PLCB4: variants seen among roughly 807,000 people sequenced by gnomAD.
The protein encoded by PLCB4 is phospholipase C beta 4, also known as 1-phosphatidylinositol 4,5-bisphosphate phosphodiesterase beta-4.
PLCB4 carries 77 observed loss-of-function variants against 178.8 expected under a neutral mutation model. That is an observed-to-expected ratio of 0.43 (90% CI 0.36 to 0.52). The LOEUF is 0.52. Ranked by LOEUF, PLCB4 falls within the 20% of genes least tolerant of loss-of-function variation. The pLI, the probability that PLCB4 is intolerant of heterozygous loss-of-function variation, is 0.00. For missense variants in PLCB4, 1,024 were observed against 1,453.4 expected (o/e 0.70, Z 4.80); for synonymous variants, 496 against 490.8 (o/e 1.01, Z -0.14).
chr20:9,244,006 G>C (rs184592327), intron 3 of PLCB4, among the ~76,000 whole-genome samples: 1 of 152,122 alleles, frequency 6.6e-6, no homozygotes, highest in South Asian at 2.1e-4. Flanking sequence ...AGGTTGTTAT[G>C]GCCAGAAGCC....
chr20:9,418,114 T>C (rs1247902634), intron 25 of PLCB4, among the ~76,000 whole-genome samples: 1 of 152,160 alleles, frequency 6.6e-6, no homozygotes, highest in East Asian at 1.9e-4. Context: ...TTTTCCTTTT[T>C]GTGACTAGTC....
chr20:9,139,559 T>A (rs1387137102), intron 2 of PLCB4, among the ~76,000 whole-genome samples: 1 of 152,012 alleles, frequency 6.6e-6, no homozygotes, highest in Non-Finnish European at 1.5e-5. Context: ...TGTGCAAAAG[T>A]GGAAGTTGCC....
chr20:9,333,328 C>T (rs1327613900), intron 4 of PLCB4, among the ~76,000 whole-genome samples: 2 of 151,990 alleles, frequency 1.3e-5, no homozygotes, highest in Non-Finnish European at 2.9e-5. Context: ...GAGAGCCTCT[C>T]TGAGGAGGGG....
intron 3 of PLCB4, among the ~76,000 whole-genome samples, chr20:9,304,413 G>T (rs939836867): frequency 2.6e-5 from 4 of 151,966 alleles, no homozygotes; most frequent in Non-Finnish European, 5.9e-5. Context: ...ATTGTCACAT[G>T]TGTGTGGGTA....
intron 2 of PLCB4, among the ~76,000 whole-genome samples, chr20:9,207,040 C>T (rs1157164963): frequency 1.3e-5 from 2 of 152,038 alleles, no homozygotes; most frequent in Admixed American, 6.6e-5. Context: ...CACTTGAACC[C>T]GGGAGGCGGA....
At chr20:9,083,273 A>G (rs2090243460) in intron 1 of PLCB4, among the ~76,000 whole-genome samples, 1 of 152,268 alleles carries the variant, frequency 6.6e-6, no homozygotes, top group African/African-American at 2.4e-5. Flanking sequence ...TGCAGGGAAC[A>G]TAAGTGCTTA....
intron 2 of PLCB4, among the ~76,000 whole-genome samples, chr20:9,162,577 T>C (rs181307345): frequency 5.8e-4 from 88 of 152,336 alleles, no homozygotes; most frequent in Middle Eastern, 6.8e-3. Context: ...GTATTTGCTC[T>C]GGAAACACAG....
intron 2 of PLCB4, among the ~76,000 whole-genome samples, chr20:9,194,497 T>TA (rs1030254543): frequency 1.1e-4 from 16 of 151,736 alleles, no homozygotes; most frequent in Middle Eastern, 3.4e-3. Context: ...CCATCCTGGC[T>TA]AAAAAACGGT....
At chr20:9,290,386 C>A (rs1053762082) in intron 3 of PLCB4, among the ~76,000 whole-genome samples, 2 of 152,118 alleles carry the variant, frequency 1.3e-5, no homozygotes, top group African/African-American at 2.4e-5. Context: ...AAATGAAACA[C>A]CATGTGAACT....
At chr20:9,445,580 C>T (rs2042366309) in intron 32 of PLCB4, among the ~76,000 whole-genome samples, 1 of 152,236 alleles carries the variant, frequency 6.6e-6, no homozygotes, top group African/African-American at 2.4e-5. Flanking sequence ...TAGGCCTAAT[C>T]TTATCCTAGT....
At chr20:9,142,811 C>T (rs1048973154) in intron 2 of PLCB4, among the ~76,000 whole-genome samples, 11 of 152,118 alleles carry the variant, frequency 7.2e-5, no homozygotes, top group African/African-American at 1.2e-4. Context: ...TATCAGATCA[C>T]GTTGCCCTGC....
rs2039344041 is a variant in PLCB4, at chr20:9,405,185, C to A, written c.1612-128C>A. The A allele has an allele frequency of 7.1e-6, 4 of 565,270 alleles. No homozygotes were observed. In the Admixed American group the frequency reaches 1.4e-4, roughly 20 times the overall value. The allele number at this position is 565,270 out of a possible 1,614,324, so 35.0% of individuals were successfully genotyped here. On this transcript the variant is annotated intron_variant, in intron 20 of 39. Coordinates refer to ENST00000378473, the MANE Select transcript of PLCB4 (RefSeq NM_001377142.1). ...ATGGCTTTTTGTCATCAGTAATGTCCCACCTTAGCAAATAAATAGAATAAC... is the reference window on the plus strand; with the variant it reads ...ATGGCTTTTTGTCATCAGTAATGTCACACCTTAGCAAATAAATAGAATAAC...
intron 2 of PLCB4, among the ~76,000 whole-genome samples, chr20:9,135,467 G>T (rs1323525994): frequency 6.6e-6 from 1 of 152,052 alleles, no homozygotes; most frequent in Non-Finnish European, 1.5e-5. Flanking sequence ...TTTGCCCATG[G>T]AGACATATGA....
At chr20:9,469,265 G>T (rs2044016693) in intron 36 of PLCB4, among the ~76,000 whole-genome samples, 1 of 152,202 alleles carries the variant, frequency 6.6e-6, no homozygotes. Context: ...ATAGGCGTGA[G>T]CCACTGCGCC....
chr20:9,212,737 T>C (rs1289196685), intron 2 of PLCB4, among the ~76,000 whole-genome samples: 1 of 152,186 alleles, frequency 6.6e-6, no homozygotes, highest in Non-Finnish European at 1.5e-5. Context: ...TTAATATATA[T>C]AAATTTTATC....
intron 4 of PLCB4, among the ~76,000 whole-genome samples, chr20:9,336,303 T>C (rs187813553): frequency 1.2e-4 from 18 of 152,318 alleles, no homozygotes; most frequent in Non-Finnish European, 2.6e-4. Flanking sequence ...TTTCCTCTCA[T>C]TCCTAAGCAC....
chr20:9,206,513 A>G (rs2093617617), intron 2 of PLCB4, among the ~76,000 whole-genome samples: 2 of 151,904 alleles, frequency 1.3e-5, no homozygotes, highest in South Asian at 2.1e-4. Flanking sequence ...TTCTTTTTCA[A>G]CTGAAGCTTC....
At chr20:9,291,311 C>T (rs7268902) in intron 3 of PLCB4, among the ~76,000 whole-genome samples, 51 of 152,248 alleles carry the variant, frequency 3.3e-4, no homozygotes, top group African/African-American at 1.2e-3. Context: ...AAGACAGCAT[C>T]TAATATTTAC....
At chr20:9,299,828 GT>G (rs2094683351) in intron 3 of PLCB4, among the ~76,000 whole-genome samples, 1 of 151,902 alleles carries the variant, frequency 6.6e-6, no homozygotes, top group African/African-American at 2.4e-5. Flanking sequence ...AGATAAAAGA[GT>G]ATGGATATTT....
Sources: gnomAD v4.1 joint callset for allele counts (sites outside exome capture counted in the v4.1 genomes callset) on GRCh38, gnomAD v4.1.1 for gene constraint, MANE v1.5 for transcripts, NCBI Gene and HGNC (gene_info 2026-07-23, HGNC 2026-07-21) for gene names.